The following RASAL2 variants were observed in gnomAD, a reference collection of about 807,000 sequenced individuals.
RASAL2 encodes the protein ras GTPase-activating protein nGAP.
RASAL2 carries 58 observed loss-of-function variants against 128.9 expected under a neutral mutation model. The ratio of observed to expected loss-of-function variants is 0.45; its 90% CI spans 0.36 to 0.56. RASAL2 has a LOEUF of 0.56. Among genes scored for constraint, RASAL2 ranks in the 20% least tolerant of loss-of-function variants. RASAL2 has a pLI of 0.00. For synonymous variants in RASAL2, 561 were observed against 580.8 expected, an observed-to-expected ratio of 0.97 and a Z score of 0.49; for missense variants, 1,360 against 1,601.6, an observed-to-expected ratio of 0.85 and a Z score of 2.57.
At chr1:178,097,050 C>G (rs1169011370) in intron 1 of RASAL2, among the ~76,000 whole-genome samples, 1 of 152,156 alleles carries the variant, frequency 6.6e-6, no homozygotes, top group Non-Finnish European at 1.5e-5. Flanking sequence ...TGTTCAAAAC[C>G]TTCGTTGTCT....
rs189274737 is a variant in RASAL2, at chr1:178,245,708, A to G, written c.203-37856A>G. On this transcript the variant is annotated intron_variant, in intron 1 of 17. Transcript: ENST00000367649. ...GGGTTTTTACGGTTTTAGGTTTTAC[A>G]TTTAATTATTTAATCCATCTTGAGT... Among the ~76,000 whole-genome samples, 558 of 152,252 alleles carry G rather than the reference A, an allele frequency of 3.7e-3. 1 individual carries two copies. The highest frequency in any genetic ancestry group is 6.3e-3 in the Non-Finnish European group (428 of 68,010).
intron 3 of RASAL2, among the ~76,000 whole-genome samples, chr1:178,322,556 A>G (rs1395532573): frequency 1.3e-5 from 2 of 152,080 alleles, no homozygotes; most frequent in Non-Finnish European, 2.9e-5. Flanking sequence ...ACCTGTTCTC[A>G]TGTGGTGGTT....
intron 12 of RASAL2, among the ~76,000 whole-genome samples, chr1:178,455,461 T>C (rs186136619): frequency 1.3e-5 from 2 of 152,310 alleles, no homozygotes; most frequent in African/African-American, 4.8e-5. Context: ...TTCCTATCAA[T>C]AAAAATGCTA....
intron 1 of RASAL2, among the ~76,000 whole-genome samples, chr1:178,172,809 G>T (rs1350248821): frequency 6.6e-6 from 1 of 151,988 alleles, no homozygotes; most frequent in Non-Finnish European, 1.5e-5. Context: ...TGTTTCATTG[G>T]CAGCTCAAAT....
intron 1 of RASAL2, among the ~76,000 whole-genome samples, chr1:178,115,777 A>G (rs1182966228): frequency 6.6e-6 from 1 of 152,216 alleles, no homozygotes; most frequent in East Asian, 1.9e-4. Flanking sequence ...TGCTTTGTAG[A>G]CTGGGTAAAA....
intron 1 of RASAL2, among the ~76,000 whole-genome samples, chr1:178,241,741 A>T (rs1664506827): frequency 6.6e-6 from 1 of 152,202 alleles, no homozygotes; most frequent in Admixed American, 6.5e-5. Context: ...ATTATCTTGG[A>T]CAAACTTACT....
intron 3 of RASAL2, among the ~76,000 whole-genome samples, chr1:178,375,864 A>T (rs971102637): frequency 3.9e-4 from 60 of 152,258 alleles, no homozygotes; most frequent in African/African-American, 1.4e-3. Context: ...TAGAAGACTA[A>T]TCCACATCCA....
intron 1 of RASAL2, among the ~76,000 whole-genome samples, chr1:178,261,715 G>A (rs939186639): frequency 3.3e-5 from 5 of 152,060 alleles, no homozygotes; most frequent in African/African-American, 7.2e-5. Context: ...AGGAGTTAAA[G>A]ACCAGCCTGG....
chr1:178,364,009 T>A (rs955351067), intron 3 of RASAL2, among the ~76,000 whole-genome samples: 1 of 150,464 alleles, frequency 6.6e-6, no homozygotes, highest in Non-Finnish European at 1.5e-5. Context: ...GGCAGGAGAA[T>A]GGTGTGAACC....
rs1027851165 is a variant in RASAL2 at position 178,321,944 on chromosome 1, C to T, written c.457+21826C>T. 4.0e-5 allele frequency among the ~76,000 whole-genome samples: 6 copies of T among 151,282 alleles called. No homozygotes were observed. The South Asian group carries it at 6.3e-4, about 16-fold the overall frequency. On this transcript the variant is annotated intron_variant, in intron 3 of 17. Transcript: ENST00000367649. ...TGGAGGTTTTGGTGAGCCGAGATCG[C>T]GCCATTGCACTCCAGCCTGGGCAAC...
At chr1:178,358,961 A>G (rs1457435329) in intron 3 of RASAL2, among the ~76,000 whole-genome samples, 8 of 152,228 alleles carry the variant, frequency 5.3e-5, no homozygotes, top group Admixed American at 5.2e-4. Flanking sequence ...TATTCAAACA[A>G]TGTAAAAATT....
intron 1 of RASAL2, among the ~76,000 whole-genome samples, chr1:178,152,714 T>C (rs1455218910): frequency 6.6e-6 from 1 of 151,924 alleles, no homozygotes; most frequent in African/African-American, 2.4e-5. Flanking sequence ...CGGTAGAAAA[T>C]TTTATACATA....
At chr1:178,301,235 T>C (rs1667747972) in intron 3 of RASAL2, among the ~76,000 whole-genome samples, 1 of 152,228 alleles carries the variant, frequency 6.6e-6, no homozygotes. Context: ...TCTCATCTTA[T>C]TTCCACTATA....
At chr1:178,456,443 G>C in intron 12 of RASAL2, 1 of 499,752 alleles carries the variant, frequency 2.0e-6, no homozygotes, top group Non-Finnish European at 3.6e-6. Context: ...TGGTAGTTTT[G>C]AGCATGTCTT....
At chr1:178,446,406 G>A (rs1471442286) in intron 9 of RASAL2, among the ~76,000 whole-genome samples, 1 of 152,090 alleles carries the variant, frequency 6.6e-6, no homozygotes, top group Non-Finnish European at 1.5e-5. Flanking sequence ...TTGAGTAATT[G>A]TAAATTTTCT....
chr1:178,235,463 A>G (rs1469646729), intron 1 of RASAL2, among the ~76,000 whole-genome samples: 1 of 152,212 alleles, frequency 6.6e-6, no homozygotes, highest in African/African-American at 2.4e-5. Context: ...ATGGAAGCAC[A>G]TACAGAGTTT....
intron 3 of RASAL2, among the ~76,000 whole-genome samples, chr1:178,335,868 A>T (rs1050969981): frequency 6.6e-6 from 1 of 152,114 alleles, no homozygotes; most frequent in Admixed American, 6.5e-5. Context: ...AAGCTCCTTT[A>T]TAAAATTAAT....
At chr1:178,374,531 C>T (rs920678874) in intron 3 of RASAL2, among the ~76,000 whole-genome samples, 10 of 152,120 alleles carry the variant, frequency 6.6e-5, no homozygotes, top group African/African-American at 2.2e-4. Context: ...ATGTTCAGGC[C>T]TTCCCAATAA....
Position 178,331,583 on chromosome 1 carries a change from C to CTTTTTT in RASAL2, c.457+31481_457+31486dup, listed in dbSNP as rs71731643. Among the ~76,000 whole-genome samples, 38 of 110,212 alleles carry CTTTTTT rather than the reference C, an allele frequency of 3.4e-4. 1 individual carries two copies. Among genetic ancestry groups the CTTTTTT allele is most frequent in the African/African-American group, 1.3e-3 (35 of 26,564 alleles). 72.3% of individuals were successfully genotyped at this position (110,212 alleles called of 152,430 possible). A position where few individuals can be genotyped will look rare whatever the true frequency, so the allele number is the denominator to read the frequency against. On this transcript the variant is annotated intron_variant, in intron 3 of 17. Transcript: ENST00000367649. Reference sequence around the variant, plus strand: ...TTCTTAGAGATGTAACTTCATGCATCTTTTTTTTTTTTTTTTTTTTTGAGA... The same window carrying CTTTTTT: ...TTCTTAGAGATGTAACTTCATGCATCTTTTTTTTTTTTTTTTTTTTTTTTTTTGAGA...
Sources: allele counts gnomAD v4.1 joint callset (sites outside exome capture counted in the v4.1 genomes callset), GRCh38; gene constraint gnomAD v4.1.1; transcripts MANE v1.5; gene names NCBI Gene and HGNC (gene_info 2026-07-23, HGNC 2026-07-21).